The following RGS6 variants were observed in gnomAD, a reference collection of about 807,000 sequenced individuals.
The protein encoded by RGS6 is regulator of G protein signaling 6, also known as regulator of G-protein signaling 6.
Under a neutral mutation model 78.5 loss-of-function variants are expected in RGS6, and 30 were observed. That is an observed-to-expected ratio of 0.38 (90% CI 0.29 to 0.52). The LOEUF (loss-of-function observed/expected upper bound fraction) is 0.52, where lower values mean the gene tolerates loss of function less well. Among genes scored for constraint, RGS6 ranks in the 20% least tolerant of loss-of-function variants. The pLI is 0.85. For missense variants in RGS6, 495 were observed against 609.7 expected (o/e 0.81, Z 1.98); for synonymous variants, 206 against 206.0 (o/e 1.00, Z 0.00).
chr14:71,979,460 T>G (rs1355909776), intron 2 of RGS6, among the ~76,000 whole-genome samples: 2 of 151,890 alleles, frequency 1.3e-5, no homozygotes, highest in Non-Finnish European at 2.9e-5. Context: ...TCTGGTATGT[T>G]GTGTCTTTGT....
At chr14:71,998,957 A>G (rs932303246) in intron 2 of RGS6, among the ~76,000 whole-genome samples, 1 of 152,334 alleles carries the variant, frequency 6.6e-6, no homozygotes, top group Middle Eastern at 3.4e-3. Context: ...CAGGCCTGGC[A>G]CAGTGTTTCA....
intron 2 of RGS6, among the ~76,000 whole-genome samples, chr14:72,067,339 C>G (rs578109228): frequency 6.6e-6 from 1 of 151,990 alleles, no homozygotes; most frequent in Non-Finnish European, 1.5e-5. Context: ...GGAGAGAGAG[C>G]ATTAGGAAAT....
In RGS6 at chr14:72,113,287, C is replaced by T. The variant is rs553499563; in HGVS notation, c.84+148412C>T. Among the ~76,000 whole-genome samples the T allele has an allele frequency of 9.0e-4, 137 of 152,272 alleles. 1 individual carries two copies. The highest frequency in any genetic ancestry group is 1.6e-3 in the Admixed American group (24 of 15,304). ...GGTAGGTGACCAAGTATTATCAGTC[C>T]CTTTTTCCTCATGTAGGAAGAAACT... On this transcript the variant is annotated intron_variant, in intron 2 of 17. Coordinates refer to ENST00000553525, the MANE Select transcript of RGS6 (RefSeq NM_001204424.2).
rs2087722262 is a variant in RGS6, at chr14:72,385,637, GC to G, written c.184+33446del. ...AGGGTGAGACTAAGGAAGCTGACCT[GC>G]CCTGCCCAGGGACACAAGGCTGGCT... is the stretch of plus-strand genomic sequence containing the variant. On this transcript the variant is annotated intron_variant, in intron 3 of 17. Transcript: ENST00000553525. Among the ~76,000 whole-genome samples the G allele has an allele frequency of 2.0e-5, 3 of 152,142 alleles. No individual in the cohort carries two copies. In the South Asian group the frequency reaches 6.2e-4, roughly 32 times the overall value.
intron 3 of RGS6, among the ~76,000 whole-genome samples, chr14:72,357,352 A>G (rs1259526615): frequency 6.6e-6 from 1 of 152,132 alleles, no homozygotes; most frequent in Non-Finnish European, 1.5e-5. Context: ...TCAGAAGAAG[A>G]CAAGAATATG....
At chr14:72,601,798 A>T in the RGS6 span, among the ~76,000 whole-genome samples, 41 of 152,228 alleles carry the variant, frequency 2.7e-4, no homozygotes, top group Non-Finnish European at 5.6e-4. Flanking sequence ...TCTTGTCTCC[A>T]CATAGGTGCC....
rs781515664 is a variant in RGS6, at chr14:72,351,313, C to T, written c.85-782C>T. ...TTCTGCTCAGGAAATTACTCTGGCT[C>T]GTAAATTATTAACTACAAATTGGTT... On this transcript the variant is annotated intron_variant, in intron 2 of 17. Coordinates refer to ENST00000553525, the MANE Select transcript of RGS6 (RefSeq NM_001204424.2). Among the ~76,000 whole-genome samples, 7 of 152,190 alleles carry T rather than the reference C, an allele frequency of 4.6e-5. No homozygotes were observed. The South Asian group carries it at 8.3e-4, about 18-fold the overall frequency.
At chr14:71,942,866 CTCAT>C (rs72351697) in intron 1 of RGS6, among the ~76,000 whole-genome samples, 20,432 of 152,112 alleles carry the variant, frequency 0.13, 1,674 homozygotes, top group Admixed American at 0.19. Flanking sequence ...AAAATAGATC[CTCAT>C]TCATTAATAG....
intron 2 of RGS6, among the ~76,000 whole-genome samples, chr14:72,138,461 T>G (rs1208127263): frequency 6.7e-6 from 1 of 150,108 alleles, no homozygotes; most frequent in Non-Finnish European, 1.5e-5. Context: ...TTTTTTTTTT[T>G]TTTTTTTTTT....
chr14:72,387,018 G>A (rs948776073), intron 3 of RGS6, among the ~76,000 whole-genome samples: 4 of 151,990 alleles, frequency 2.6e-5, no homozygotes, highest in East Asian at 1.9e-4. Context: ...AGCTGTATAC[G>A]GTTACCAACA....
chr14:72,537,900 C>T (rs1429940058), intron 16 of RGS6, among the ~76,000 whole-genome samples: 1 of 152,190 alleles, frequency 6.6e-6, no homozygotes, highest in Non-Finnish European at 1.5e-5. Flanking sequence ...CCAAACCAGG[C>T]TGAGACCCCT....
At chr14:72,561,080 C>T (rs1394902675) in intron 17 of RGS6, among the ~76,000 whole-genome samples, 1 of 152,136 alleles carries the variant, frequency 6.6e-6, no homozygotes, top group Non-Finnish European at 1.5e-5. Flanking sequence ...CCAGCAAATC[C>T]ACAGCCCGTG....
chr14:72,478,135 C>G (rs188636430), intron 11 of RGS6, 133 bp from the exon 12 acceptor site: 1 of 654,436 alleles, frequency 1.5e-6, no homozygotes, highest in Admixed American at 2.5e-5. Flanking sequence ...GAGGGCAGAG[C>G]TGAGGGAGTT....
intron 2 of RGS6, among the ~76,000 whole-genome samples, chr14:72,293,730 A>G (rs187984219): frequency 1.8e-4 from 28 of 152,338 alleles, no homozygotes; most frequent in African/African-American, 6.3e-4. Context: ...ATTTTGGAGT[A>G]TGGACCTGAA....
chr14:72,432,823 T>C (rs1244161656), intron 3 of RGS6, among the ~76,000 whole-genome samples: 1 of 152,216 alleles, frequency 6.6e-6, no homozygotes, highest in Non-Finnish European at 1.5e-5. Context: ...ACCATGTTTC[T>C]AAGAGTAGCC....
At chr14:72,027,722 A>T (rs562215599) in intron 2 of RGS6, among the ~76,000 whole-genome samples, 1 of 152,076 alleles carries the variant, frequency 6.6e-6, no homozygotes, top group Admixed American at 6.5e-5. Flanking sequence ...GAGTTGGTCT[A>T]CTCCTGAATA....
downstream of RGS6, among the ~76,000 whole-genome samples, chr14:72,567,590 C>A (rs887063731): frequency 4.6e-5 from 7 of 152,234 alleles, no homozygotes; most frequent in Non-Finnish European, 7.3e-5. Context: ...TCTCTCCCTA[C>A]ACCCTTCTGG....
Position 71,964,821 on chromosome 14 carries a change from A to G in RGS6, c.30A>G (p.Ala10=), listed in dbSNP as rs770963090. The G allele has an allele frequency of 1.9e-6, 3 of 1,613,854 alleles. No individual in the cohort carries two copies. Among genetic ancestry groups the G allele is most frequent in the South Asian group, 1.1e-5 (1 of 91,036 alleles). Residue 10 remains alanine (A), a synonymous_variant, in exon 2 of 18, where the codon GCA becomes GCG. Transcript: ENST00000553525. ...CTCAAGGATCCGGGGATCAAAGAGC[A>G]GTGGGGGTTGCTGACCCAGAGGAGA... is the stretch of plus-strand genomic sequence containing the variant. The part of the protein sequence containing the change: MAQGSGDQR[A]VGVADPEESS...
chr14:72,458,573 G>C (rs1277555931), intron 5 of RGS6, among the ~76,000 whole-genome samples, 196 bp downstream of exon 5: 1 of 152,212 alleles, frequency 6.6e-6, no homozygotes, highest in South Asian at 2.1e-4. Flanking sequence ...CTGTCATTGA[G>C]AGCCTACCAT....
Sources: gnomAD v4.1 joint callset for allele counts (sites outside exome capture counted in the v4.1 genomes callset) on GRCh38, gnomAD v4.1.1 for gene constraint, MANE v1.5 for transcripts, NCBI Gene and HGNC (gene_info 2026-07-23, HGNC 2026-07-21) for gene names.